The following PRRC2C variants were observed in gnomAD, a reference collection of about 807,000 sequenced individuals.
PRRC2C encodes proline rich coiled-coil 2C.
PRRC2C carries 72 observed loss-of-function variants against 317.2 expected under a neutral mutation model. That is an observed-to-expected ratio of 0.23 (90% CI 0.19 to 0.28). PRRC2C has a LOEUF of 0.28. Ranked by LOEUF, PRRC2C falls within the 10% of genes least tolerant of loss-of-function variation. The probability of loss-of-function intolerance (pLI) is 1.00; values close to 1 mark genes in which losing one functional copy is unlikely to be tolerated. For synonymous variants in PRRC2C, 1,296 were observed against 1,205.9 expected (o/e 1.07, Z -1.55); for missense variants, 3,074 against 3,459.7 (o/e 0.89, Z 2.80).
intron 12 of PRRC2C, among the ~76,000 whole-genome samples, 167 bp downstream of exon 12, chr1:171,533,128 G>GTA (rs1474899562): frequency 6.6e-6 from 1 of 152,172 alleles, no homozygotes; most frequent in Non-Finnish European, 1.5e-5. Flanking sequence ...TTCTAATTCT[G>GTA]TATATGAACA....
At chr1:171,496,349 C>T (rs1488477484) in intron 1 of PRRC2C, among the ~76,000 whole-genome samples, 1 of 151,730 alleles carries the variant, frequency 6.6e-6, no homozygotes, top group East Asian at 1.9e-4. Context: ...ACTACAGGTG[C>T]ACGCCACCAC....
At chr1:171,527,257 A>G (rs1571797799) in intron 10 of PRRC2C, among the ~76,000 whole-genome samples, 1 of 149,634 alleles carries the variant, frequency 6.7e-6, no homozygotes, top group Admixed American at 6.7e-5. Context: ...CTCAGCCTCC[A>G]GAGTAGCTGG....
intron 19 of PRRC2C, among the ~76,000 whole-genome samples, chr1:171,559,663 A>G (rs967718123): frequency 1.3e-5 from 2 of 151,886 alleles, no homozygotes; most frequent in African/African-American, 4.8e-5. Flanking sequence ...CTGGGACTAC[A>G]GGCACACGTC....
Position 171,557,761 on chromosome 1 carries a change from T to C in PRRC2C, c.5649T>C (p.Ser1883=). The change falls in exon 19 of 35, where the codon TCT becomes TCC. Residue 1883 remains serine, a synonymous_variant. Transcript: ENST00000647382. The part of the protein sequence containing the change: ...TSAPTPAPAA[S]SPAAPVITAP... Reference sequence around the variant, plus strand: ...CTCCAACGCCAGCCCCAGCAGCCTCTTCCCCAGCTGCCCCAGTCATCACAG... The same window carrying C: ...CTCCAACGCCAGCCCCAGCAGCCTCCTCCCCAGCTGCCCCAGTCATCACAG... 6.4e-7 allele frequency: 1 copy of C among 1,550,578 alleles called. No homozygotes were observed. The highest frequency in any genetic ancestry group is 8.7e-7 in the Non-Finnish European group (1 of 1,146,554).
chr1:171,530,245 T>A lies in PRRC2C; in HGVS notation c.1255-2098T>A, dbSNP rs1675537221. ...CTGACGAAGGACTTGTAGCTGGGCTTTTTTTTTTTTTTTTTTTTTTTTGCG... is the reference window on the plus strand; with the variant it reads ...CTGACGAAGGACTTGTAGCTGGGCTATTTTTTTTTTTTTTTTTTTTTTGCG... On this transcript the variant is annotated intron_variant, in intron 11 of 34. Coordinates refer to ENST00000647382, the MANE Select transcript of PRRC2C (RefSeq NM_001387844.1). Among the ~76,000 whole-genome samples, 3 of 97,990 alleles carry A rather than the reference T, an allele frequency of 3.1e-5. No homozygotes were observed. The East Asian group carries it at 1.0e-3, about 33-fold the overall frequency. The allele number at this position is 97,990 out of a possible 152,430, so 64.3% of individuals were successfully genotyped here.
At chr1:171,534,416 T>G (rs1222757582) in intron 12 of PRRC2C, among the ~76,000 whole-genome samples, 1 of 152,190 alleles carries the variant, frequency 6.6e-6, no homozygotes, top group African/African-American at 2.4e-5. Context: ...ATATTCTCTC[T>G]CATGGCAATT....
chr1:171,530,088 G>C (rs1342650649), intron 11 of PRRC2C, among the ~76,000 whole-genome samples: 2 of 152,152 alleles, frequency 1.3e-5, no homozygotes, highest in Non-Finnish European at 2.9e-5. Flanking sequence ...ACTTGGAGCT[G>C]ACAAAGTTTT....
At chr1:171,575,275 A>G (rs1685509193) in intron 25 of PRRC2C, 147 bp downstream of exon 25, 1 of 774,738 alleles carries the variant, frequency 1.3e-6, no homozygotes, top group Non-Finnish European at 2.0e-6. Flanking sequence ...GATTACAGGC[A>G]TGAGCCACCA....
chr1:171,585,883 G>A (rs943907188), intron 30 of PRRC2C, among the ~76,000 whole-genome samples: 14 of 151,902 alleles, frequency 9.2e-5, no homozygotes, highest in Non-Finnish European at 1.3e-4. Context: ...GTGTGTTTGC[G>A]TATACATAAT....
At chr1:171,559,825 C>T (rs1229484190) in intron 19 of PRRC2C, among the ~76,000 whole-genome samples, 1 of 152,066 alleles carries the variant, frequency 6.6e-6, no homozygotes, top group Admixed American at 6.6e-5. Flanking sequence ...CTGGCCCATA[C>T]CTATTATTTT....
chr1:171,557,606 T>C lies in PRRC2C; in HGVS notation c.5494T>C (p.Ser1832Pro). ...CTCTACTTCAGCTGCAGCTATAACC[T>C]CTTCTTCAGCTCCAGCCTCAGCCCC... ...PASTSAAAIT[S>P]SSAPASAPAP... The change falls in exon 19 of 35, where the codon TCT becomes CCT. Residue 1832 changes from serine to proline, a missense_variant. Transcript: ENST00000647382. 2 of 1,551,634 alleles carry C rather than the reference T, an allele frequency of 1.3e-6. No homozygotes were observed. Among genetic ancestry groups the C allele is most frequent in the Non-Finnish European group, 1.7e-6 (2 of 1,146,980 alleles).
chr1:171,554,054 A>G (rs1680853814), intron 18 of PRRC2C, among the ~76,000 whole-genome samples: 1 of 152,098 alleles, frequency 6.6e-6, no homozygotes, highest in Non-Finnish European at 1.5e-5. Context: ...TCTGTCTAAT[A>G]TTGACAATGG....
intron 1 of PRRC2C, among the ~76,000 whole-genome samples, chr1:171,497,722 G>A (rs1030149685): frequency 6.6e-6 from 1 of 152,118 alleles, no homozygotes; most frequent in Non-Finnish European, 1.5e-5. Context: ...TCCCACCTTC[G>A]CCTTTCAAAG....
In PRRC2C at chr1:171,508,963, C is replaced by T. The variant is rs535130194; in HGVS notation, c.-57-3069C>T. On this transcript the variant is annotated intron_variant, in intron 1 of 34. Transcript: ENST00000647382. Reference sequence around the variant, plus strand: ...GTGCAGTGGCATGATCTCTGCTCACCGCAAGCTCCGCCTTCCAGGTTGAAG... The same window carrying T: ...GTGCAGTGGCATGATCTCTGCTCACTGCAAGCTCCGCCTTCCAGGTTGAAG... Among the ~76,000 whole-genome samples the T allele has an allele frequency of 3.9e-5, 6 of 152,068 alleles. No individual in the cohort carries two copies. In the East Asian group the frequency reaches 7.8e-4, roughly 20 times the overall value.
chr1:171,562,981 A>G (rs1416004524), intron 20 of PRRC2C, among the ~76,000 whole-genome samples: 1 of 152,210 alleles, frequency 6.6e-6, no homozygotes, highest in Non-Finnish European at 1.5e-5. Flanking sequence ...CAAGTGAAAG[A>G]TAAGTTCAAA....
chr1:171,562,203 A>C (rs1462796004), intron 20 of PRRC2C, among the ~76,000 whole-genome samples: 1 of 152,218 alleles, frequency 6.6e-6, no homozygotes, highest in Admixed American at 6.5e-5. Context: ...AGGTTCAGAT[A>C]ATAGCAAATA....
In PRRC2C at chr1:171,540,649, T is replaced by C; in HGVS notation, c.3183T>C (p.Pro1061=). The change falls in exon 16 of 35, where the codon CCT becomes CCC. Residue 1061 remains proline (P), a synonymous_variant. Coordinates refer to ENST00000647382, the MANE Select transcript of PRRC2C (RefSeq NM_001387844.1). Reference sequence around the variant, plus strand: ...AAAAGACGGAAAAGAAGGATCTTCCTCCTCCCCCACCACCACCTCAGCCAC... The same window carrying C: ...AAAAGACGGAAAAGAAGGATCTTCCCCCTCCCCCACCACCACCTCAGCCAC... ...KPEKTEKKDL[P]PPPPPPQPPA... is the part of the protein sequence containing the mutation. 1 of 1,613,862 alleles carries C rather than the reference T, an allele frequency of 6.2e-7. No individual in the cohort carries two copies. The highest frequency in any genetic ancestry group is 8.5e-7 in the Non-Finnish European group (1 of 1,179,866).
At chr1:171,556,442 C>A (rs1055111554) in intron 18 of PRRC2C, among the ~76,000 whole-genome samples, 1 of 152,202 alleles carries the variant, frequency 6.6e-6, no homozygotes, top group Non-Finnish European at 1.5e-5. Context: ...ACTGTCCAAC[C>A]AGTCCCAGTG....
chr1:171,534,663 T>C (rs1021550623), intron 12 of PRRC2C, among the ~76,000 whole-genome samples: 1 of 152,148 alleles, frequency 6.6e-6, no homozygotes, highest in African/African-American at 2.4e-5. Context: ...CAGGCTAAAG[T>C]GATCCTCTCA....
Sources: allele counts gnomAD v4.1 joint callset (sites outside exome capture counted in the v4.1 genomes callset), GRCh38; gene constraint gnomAD v4.1.1; transcripts MANE v1.5; gene names NCBI Gene and HGNC (gene_info 2026-07-23, HGNC 2026-07-21).